The following EPM2A variants were observed in gnomAD, a reference collection of about 807,000 sequenced individuals.
EPM2A encodes the protein laforin.
Under a neutral mutation model 26.5 loss-of-function variants are expected in EPM2A, and 21 were observed. The ratio of observed to expected loss-of-function variants is 0.79; its 90% CI spans 0.56 to 1.14. EPM2A has a LOEUF of 1.14. Ranked by LOEUF, EPM2A falls within the 50% of genes most tolerant of loss-of-function variation. The pLI, the probability that EPM2A is intolerant of heterozygous loss-of-function variation, is 0.00. For synonymous variants in EPM2A, 217 were observed against 177.6 expected, an observed-to-expected ratio of 1.22 and a Z score of -1.76; for missense variants, 458 against 440.8, an observed-to-expected ratio of 1.04 and a Z score of -0.35.
chr6:145,596,816 A>C (rs1331224517), intron 2 of EPM2A, among the ~76,000 whole-genome samples: 1 of 139,434 alleles, frequency 7.2e-6, no homozygotes. Context: ...CCTTCAACAC[A>C]CTCATCCTAG....
intron 2 of EPM2A, among the ~76,000 whole-genome samples, chr6:145,528,484 GT>G (rs1780310266): frequency 6.6e-6 from 1 of 152,128 alleles, no homozygotes; most frequent in East Asian, 1.9e-4. Flanking sequence ...TCAGAATTAT[GT>G]TAATTCTCTG....
At chr6:145,405,669 T>A (rs924454279) in intron 4 of EPM2A, among the ~76,000 whole-genome samples, 2 of 152,154 alleles carry the variant, frequency 1.3e-5, no homozygotes, top group Admixed American at 1.3e-4. Context: ...TTATTTAGGT[T>A]GCCTCTGAAA....
At chr6:145,506,200 G>A (rs1779971608) in intron 2 of EPM2A, among the ~76,000 whole-genome samples, 1 of 152,212 alleles carries the variant, frequency 6.6e-6, no homozygotes, top group Non-Finnish European at 1.5e-5. Flanking sequence ...AGAATATGGT[G>A]TATAATGTTT....
intron 4 of EPM2A, among the ~76,000 whole-genome samples, chr6:145,442,016 G>A (rs2114701286): frequency 6.6e-6 from 1 of 152,202 alleles, no homozygotes; most frequent in Non-Finnish European, 1.5e-5. Flanking sequence ...TCTAGGGCAG[G>A]GGCAAAATGC....
chr6:145,415,237 T>C (rs1778692666), intron 4 of EPM2A, among the ~76,000 whole-genome samples: 1 of 152,338 alleles, frequency 6.6e-6, no homozygotes, highest in East Asian at 1.9e-4. Context: ...ATTCAATATG[T>C]TAAAATGTGT....
chr6:145,522,057 A>G (rs1429786058), intron 2 of EPM2A, among the ~76,000 whole-genome samples: 2 of 152,144 alleles, frequency 1.3e-5, no homozygotes. Flanking sequence ...GGTTCACGCC[A>G]TTCTCCTGCC....
Position 145,625,814 on chromosome 6 carries a change from C to G in EPM2A, c.*1602G>C. 1 of 1,547,130 alleles carries G rather than the reference C, an allele frequency of 6.5e-7. No individual in the cohort carries two copies. The highest frequency in any genetic ancestry group is 8.8e-7 in the Non-Finnish European group (1 of 1,138,034). On this transcript the variant is annotated 3_prime_UTR_variant, in exon 4 of 4. Coordinates refer to ENST00000367519, the MANE Select transcript of EPM2A (RefSeq NM_005670.4). ...CCACTGAAACTTACCTTGTATCCTT[C>G]TTGTCCCCCACGCCTTCTAAATAAG...
At chr6:145,682,394 C>T (rs986335104) in intron 2 of EPM2A, 11 of 152,142 alleles carry the variant, frequency 7.2e-5, no homozygotes, top group Admixed American at 6.6e-5. Flanking sequence ...CAAACCATAT[C>T]GCTATTCTTC....
At chr6:145,671,839 C>T (rs140254844) in intron 2 of EPM2A, among the ~76,000 whole-genome samples, 1,654 of 152,168 alleles carry the variant, frequency 0.011, 13 homozygotes, top group Admixed American at 0.018. Flanking sequence ...TATAAACATG[C>T]TTTTACAATA....
intron 1 of EPM2A, among the ~76,000 whole-genome samples, chr6:145,694,768 T>C (rs1781477560): frequency 6.6e-6 from 1 of 152,038 alleles, no homozygotes. Context: ...TGCACTTCTG[T>C]AATATTTCTC....
At chr6:145,430,065 G>A (rs13207044) in intron 4 of EPM2A, among the ~76,000 whole-genome samples, 18,035 of 151,832 alleles carry the variant, frequency 0.12, 1,159 homozygotes, top group South Asian at 0.19. Flanking sequence ...GGTGGTGGGC[G>A]CCTGTAATCC....
Position 145,419,185 on chromosome 6 carries a change from C to A in EPM2A, c.556-35088G>T, listed in dbSNP as rs573270167. On this transcript the variant is annotated intron_variant, in intron 4 of 4. Transcript: ENST00000638717. ...CAAGCAAATTCTGTTAAATGTCCCCCCCCCCCGCTCCTTTCCCCAGCAGCG... is the reference window on the plus strand; with the variant it reads ...CAAGCAAATTCTGTTAAATGTCCCCACCCCCCGCTCCTTTCCCCAGCAGCG... 1.1e-3 allele frequency among the ~76,000 whole-genome samples: 157 copies of A among 149,244 alleles called. 7 individuals carry two copies. The East Asian group carries it at 0.021, about 20-fold the overall frequency.
In EPM2A at chr6:145,435,802, A is replaced by C. The variant is rs567118185; in HGVS notation, c.556-51705T>G. On this transcript the variant is annotated intron_variant, in intron 4 of 4. Transcript: ENST00000638717. ...TTTGTTGTTGTTGTTGTTAATTCAT[A>C]AACTTTATTTTTAGAGCAGTTTTAG... is the stretch of plus-strand genomic sequence containing the variant. Among the ~76,000 whole-genome samples the C allele has an allele frequency of 2.4e-4, 36 of 152,262 alleles. 2 individuals are homozygous for C. In the South Asian group the frequency reaches 7.2e-3, roughly 31 times the overall value.
intron 1 of EPM2A, among the ~76,000 whole-genome samples, chr6:145,723,612 C>T (rs9390348): frequency 0.53 from 80,558 of 151,476 alleles, 21,999 homozygotes; most frequent in East Asian, 0.67. Context: ...AGAAAAATGG[C>T]AAAATTCATA....
intron 2 of EPM2A, among the ~76,000 whole-genome samples, chr6:145,513,635 T>C (rs1780085797): frequency 6.6e-6 from 1 of 152,248 alleles, no homozygotes; most frequent in East Asian, 1.9e-4. Flanking sequence ...TTATCTAACC[T>C]AGTTAAAGTT....
intron 1 of EPM2A, among the ~76,000 whole-genome samples, chr6:145,733,582 T>C (rs1441520067): frequency 6.6e-6 from 1 of 152,164 alleles, no homozygotes. Flanking sequence ...GGAAGATCTT[T>C]GTTTCACACC....
At chr6:145,671,473 G>T in intron 2 of EPM2A, 1 of 738,874 alleles carries the variant, frequency 1.4e-6, no homozygotes, top group Non-Finnish European at 1.7e-6. Context: ...TGTGATATAA[G>T]CCTTAGCTTT....
chr6:145,577,590 T>C (rs542491024), intron 2 of EPM2A, among the ~76,000 whole-genome samples: 2 of 146,516 alleles, frequency 1.4e-5, no homozygotes, highest in African/African-American at 5.4e-5. Flanking sequence ...CCCCCCCCAA[T>C]ACAATAATAG....
At chr6:145,548,423 A>G (rs559732483) in intron 2 of EPM2A, among the ~76,000 whole-genome samples, 3 of 152,244 alleles carry the variant, frequency 2.0e-5, no homozygotes, top group Admixed American at 2.0e-4. Context: ...TGCACAAAGA[A>G]TCTTCTCATT....
Sources: allele counts gnomAD v4.1 joint callset (sites outside exome capture counted in the v4.1 genomes callset), GRCh38; gene constraint gnomAD v4.1.1; transcripts MANE v1.5; gene names NCBI Gene and HGNC (gene_info 2026-07-23, HGNC 2026-07-21).